L3HYPDH: variants seen among roughly 807,000 people sequenced by gnomAD.
The protein encoded by L3HYPDH is trans-L-3-hydroxyproline dehydratase.
In L3HYPDH, 32 loss-of-function variants were observed where a neutral mutation model predicts 26.5. The ratio of observed to expected loss-of-function variants is 1.21; its 90% CI spans 0.91 to 1.62. The LOEUF (loss-of-function observed/expected upper bound fraction) is 1.62, where lower values mean the gene tolerates loss of function less well. L3HYPDH is among the 40% of genes most tolerant of loss of function. The pLI, the probability that L3HYPDH is intolerant of heterozygous loss-of-function variation, is 0.00. For synonymous variants in L3HYPDH, 215 were observed against 196.6 expected (o/e 1.09, Z -0.78); for missense variants, 554 against 476.4 (o/e 1.16, Z -1.52).
At chr14:59,490,142 G>T in the L3HYPDH span, among the ~76,000 whole-genome samples, 1 of 151,898 alleles carries the variant, frequency 6.6e-6, no homozygotes, top group Non-Finnish European at 1.5e-5. Flanking sequence ...GGCTGGTCTC[G>T]ATCTCCTGGG....
chr14:59,484,911 C>T (rs772531544), upstream of L3HYPDH: 3 of 1,428,956 alleles, frequency 2.1e-6, no homozygotes, highest in African/African-American at 1.4e-5. Flanking sequence ...ATTGAAAACG[C>T]GGGTGATAGT....
At chr14:59,500,631 T>C in the L3HYPDH span, among the ~76,000 whole-genome samples, 3 of 152,194 alleles carry the variant, frequency 2.0e-5, no homozygotes, top group Non-Finnish European at 4.4e-5. Context: ...ATAACCTTTT[T>C]CAACTGCGGT....
At chr14:59,466,977 C>T (rs1889202764) in intron 1 of L3HYPDH, among the ~76,000 whole-genome samples, 1 of 152,058 alleles carries the variant, frequency 6.6e-6, no homozygotes, top group South Asian at 2.1e-4. Flanking sequence ...TTAATTTTGT[C>T]AATCAAAGCA....
the L3HYPDH span, among the ~76,000 whole-genome samples, chr14:59,497,225 C>T: frequency 6.6e-6 from 1 of 151,878 alleles, no homozygotes; most frequent in Non-Finnish European, 1.5e-5. Flanking sequence ...TAACTTACTG[C>T]AAAAAAATAA....
At chr14:59,484,499 G>T (rs559017035), upstream of L3HYPDH, 8 of 1,504,702 alleles carry the variant, frequency 5.3e-6, no homozygotes, top group African/African-American at 1.1e-4. Context: ...ACCGGGAGGC[G>T]GAGCCGCCGA....
chr14:59,503,718 A>T, the L3HYPDH span: 1 of 609,924 alleles, frequency 1.6e-6, no homozygotes, highest in Non-Finnish European at 2.7e-6. Flanking sequence ...TGATTTCTTA[A>T]GTCTTTTTTA....
At chr14:59,469,283 G>A (rs899770314), downstream of L3HYPDH, among the ~76,000 whole-genome samples, 1 of 152,078 alleles carries the variant, frequency 6.6e-6, no homozygotes, top group Admixed American at 6.5e-5. Flanking sequence ...GGCCAGGCGC[G>A]GTGGCTCATG....
chr14:59,485,547 C>G (rs1057209873), upstream of L3HYPDH: 12 of 155,990 alleles, frequency 7.7e-5, no homozygotes, highest in Non-Finnish European at 2.8e-5. Context: ...ATTGTGAATT[C>G]GTGAATAATT....
At chr14:59,473,527 T>C (rs1392299236) in intron 4 of L3HYPDH, among the ~76,000 whole-genome samples, 1 of 152,126 alleles carries the variant, frequency 6.6e-6, no homozygotes, top group Non-Finnish European at 1.5e-5. Context: ...ATGCTAGTGA[T>C]GCCATTAAAC....
chr14:59,481,725 G>A (rs764428114), intron 1 of L3HYPDH, among the ~76,000 whole-genome samples: 1 of 150,222 alleles, frequency 6.7e-6, no homozygotes, highest in Non-Finnish European at 1.5e-5. Context: ...AATACACTAA[G>A]CACTATTCTA....
chr14:59,468,225 T>A (rs76248413), downstream of L3HYPDH, among the ~76,000 whole-genome samples: 5,158 of 152,176 alleles, frequency 0.034, 148 homozygotes, highest in Middle Eastern at 0.097. Context: ...ATGTCTCTTT[T>A]AAAAAAAATC....
chr14:59,470,361 T>C (rs563619551), downstream of L3HYPDH, among the ~76,000 whole-genome samples: 2 of 152,276 alleles, frequency 1.3e-5, no homozygotes, highest in Admixed American at 6.5e-5. Context: ...CACATGCACA[T>C]TGAAGTATGA....
intron 2 of L3HYPDH, among the ~76,000 whole-genome samples, chr14:59,476,513 T>C (rs1409991459): frequency 6.6e-6 from 1 of 152,148 alleles, no homozygotes; most frequent in Admixed American, 6.5e-5. Context: ...CAAATACACA[T>C]AGTCTTTGCA....
At chr14:59,500,547 A>G in the L3HYPDH span, among the ~76,000 whole-genome samples, 2 of 152,182 alleles carry the variant, frequency 1.3e-5, no homozygotes, top group Admixed American at 6.5e-5. Context: ...ATACTGAATG[A>G]TCTCTTTATC....
the L3HYPDH span, chr14:59,503,802 C>T: frequency 2.9e-5 from 32 of 1,108,930 alleles, no homozygotes; most frequent in Non-Finnish European, 3.9e-5. Flanking sequence ...ACCCAGCTGA[C>T]TTAGCCTGAT....
At chr14:59,473,718 T>G (rs1889430595) in intron 4 of L3HYPDH, among the ~76,000 whole-genome samples, 1 of 152,098 alleles carries the variant, frequency 6.6e-6, no homozygotes, top group South Asian at 2.1e-4. Context: ...GGGATAAACA[T>G]TTGGGAGTCA....
chr14:59,465,840 T>C (rs933023724), intron 1 of L3HYPDH, among the ~76,000 whole-genome samples: 1 of 152,134 alleles, frequency 6.6e-6, no homozygotes, highest in African/African-American at 2.4e-5. Context: ...AGAATTCACA[T>C]AGAGGGCGTG....
chr14:59,496,994 T>TA, the L3HYPDH span, among the ~76,000 whole-genome samples: 3 of 147,562 alleles, frequency 2.0e-5, no homozygotes, highest in African/African-American at 7.6e-5. Flanking sequence ...CAAGTCATAG[T>TA]AATTTTTTTT....
At chr14:59,469,171 A>G (rs11622418), downstream of L3HYPDH, among the ~76,000 whole-genome samples, 40,346 of 152,034 alleles carry the variant, frequency 0.27, 5,614 homozygotes, top group South Asian at 0.41. Context: ...GTCTGGGGGA[A>G]AAAGTCTTGA....
Sources: gnomAD v4.1 joint callset for allele counts (sites outside exome capture counted in the v4.1 genomes callset) on GRCh38, gnomAD v4.1.1 for gene constraint, MANE v1.5 for transcripts, NCBI Gene and HGNC (gene_info 2026-07-23, HGNC 2026-07-21) for gene names.